RGS6: variants seen among roughly 807,000 people sequenced by gnomAD.
The protein encoded by RGS6 is regulator of G protein signaling 6.
In RGS6, 30 loss-of-function variants were observed where a neutral mutation model predicts 78.5. The ratio of observed to expected loss-of-function variants is 0.38; its 90% CI spans 0.29 to 0.52. The LOEUF (loss-of-function observed/expected upper bound fraction) is 0.52. Ranked by LOEUF, RGS6 falls within the 20% of genes least tolerant of loss-of-function variation. RGS6 has a pLI of 0.85. For missense variants in RGS6, 495 were observed against 609.7 expected, an observed-to-expected ratio of 0.81 and a Z score of 1.98; for synonymous variants, 206 against 206.0, an observed-to-expected ratio of 1.00 and a Z score of 0.00.
At chr14:72,550,692 C>T in intron 17 of RGS6, 1 of 1,426,106 alleles carries the variant, frequency 7.0e-7, no homozygotes, top group South Asian at 1.5e-5. Flanking sequence ...CTTTGTGAGT[C>T]ATCACAATCC....
intron 4 of RGS6, among the ~76,000 whole-genome samples, chr14:72,456,037 G>A (rs1292272024): frequency 1.3e-5 from 2 of 152,176 alleles, no homozygotes; most frequent in Non-Finnish European, 2.9e-5. Flanking sequence ...CCTGGCGTGA[G>A]AAGCTTCTGT....
intron 17 of RGS6, among the ~76,000 whole-genome samples, chr14:72,558,666 A>G (rs2097622659): frequency 6.6e-6 from 1 of 152,178 alleles, no homozygotes. Context: ...GAAATGATTA[A>G]TCAGAGCGGA....
chr14:72,192,627 A>G (rs760435992), intron 2 of RGS6, among the ~76,000 whole-genome samples: 8 of 152,196 alleles, frequency 5.3e-5, no homozygotes, highest in Non-Finnish European at 1.0e-4. Flanking sequence ...CTCCTCCCTT[A>G]AGACATCCTA....
At chr14:72,106,906 A>G (rs1222077613) in intron 2 of RGS6, among the ~76,000 whole-genome samples, 1 of 152,132 alleles carries the variant, frequency 6.6e-6, no homozygotes, top group African/African-American at 2.4e-5. Flanking sequence ...TGCTAAGACT[A>G]TAGGTGGGAC....
chr14:71,905,889 G>A, the RGS6 span, among the ~76,000 whole-genome samples: 2 of 152,176 alleles, frequency 1.3e-5, no homozygotes, highest in Non-Finnish European at 2.9e-5. Context: ...CCACATCTGG[G>A]TCTTTAAACA....
chr14:72,496,029 C>A (rs2096640064), intron 13 of RGS6, among the ~76,000 whole-genome samples: 1 of 152,196 alleles, frequency 6.6e-6, no homozygotes, highest in African/African-American at 2.4e-5. Flanking sequence ...CTGTCACTCA[C>A]ATTGTCTTTC....
intron 17 of RGS6, among the ~76,000 whole-genome samples, chr14:72,548,576 A>G (rs2097447254): frequency 6.6e-6 from 1 of 152,186 alleles, no homozygotes; most frequent in Non-Finnish European, 1.5e-5. Context: ...TGTTGCTCTA[A>G]GCAATATTAA....
the RGS6 span, among the ~76,000 whole-genome samples, chr14:72,579,122 C>T: frequency 1.4e-4 from 22 of 152,226 alleles, no homozygotes; most frequent in Admixed American, 1.3e-3. Flanking sequence ...CTCTCTCTCT[C>T]TTTTCTCCAT....
Position 72,562,570 on chromosome 14 carries a change from CTG to C in RGS6, c.*106_*107del. 1.3e-6 allele frequency: 2 copies of C among 1,565,076 alleles called. No homozygotes were observed. Among genetic ancestry groups the C allele is most frequent in the Non-Finnish European group, 1.7e-6 (2 of 1,161,686 alleles). ...GTTTCCTTACGAGGAGACTTGGTCA[CTG>C]TGAAGGAGAAAGAGTGAGGGCAATG... is the stretch of plus-strand genomic sequence containing the variant. On this transcript the variant is annotated 3_prime_UTR_variant, in exon 18 of 18. Coordinates refer to ENST00000553525, the MANE Select transcript of RGS6 (RefSeq NM_001204424.2).
At chr14:72,428,280 C>G (rs28563833) in intron 3 of RGS6, among the ~76,000 whole-genome samples, 5 of 152,070 alleles carry the variant, frequency 3.3e-5, no homozygotes, top group Admixed American at 1.3e-4. Flanking sequence ...ACATTTCTAA[C>G]GGCAAAGTTA....
chr14:72,347,072 C>T lies in RGS6; in HGVS notation c.85-5023C>T, dbSNP rs757275626. On this transcript the variant is annotated intron_variant, in intron 2 of 17. Coordinates refer to ENST00000553525, the MANE Select transcript of RGS6 (RefSeq NM_001204424.2). The stretch of plus-strand genomic sequence containing the variant: ...AGCTGGCCAAGTGGTTTCTCTGCAT[C>T]GTTTGGCTGTCAGATAAGGGCCACC... 1.1e-4 allele frequency among the ~76,000 whole-genome samples: 17 copies of T among 152,300 alleles called. No individual in the cohort carries two copies. The South Asian group carries it at 1.9e-3, about 17-fold the overall frequency.
At chr14:72,338,560 C>T (rs1401925967) in intron 2 of RGS6, among the ~76,000 whole-genome samples, 1 of 152,210 alleles carries the variant, frequency 6.6e-6, no homozygotes, top group African/African-American at 2.4e-5. Flanking sequence ...ATATCAGAAG[C>T]ACAGAATTAG....
chr14:72,237,208 T>C (rs2051326286), intron 2 of RGS6, among the ~76,000 whole-genome samples: 1 of 152,230 alleles, frequency 6.6e-6, no homozygotes, highest in African/African-American at 2.4e-5. Context: ...CTGAATCATA[T>C]TCCATTGTGT....
At chr14:72,092,685 G>A (rs566382746) in intron 2 of RGS6, among the ~76,000 whole-genome samples, 148 of 152,262 alleles carry the variant, frequency 9.7e-4, no homozygotes, top group Admixed American at 1.6e-3. Context: ...CCTGGCCTCA[G>A]CTCCCTTTAG....
intron 2 of RGS6, among the ~76,000 whole-genome samples, chr14:72,071,465 G>C (rs562854065): frequency 4.5e-4 from 69 of 152,254 alleles, no homozygotes; most frequent in African/African-American, 1.6e-3. Flanking sequence ...TACCTTACTA[G>C]GTAATTACAA....
chr14:72,545,847 G>A (rs2097390479), intron 17 of RGS6, among the ~76,000 whole-genome samples: 1 of 152,178 alleles, frequency 6.6e-6, no homozygotes, highest in Admixed American at 6.5e-5. Context: ...AACAGGGTGA[G>A]TGCCCTACAC....
At chr14:72,124,261 G>A (rs2096130467) in intron 2 of RGS6, among the ~76,000 whole-genome samples, 2 of 152,110 alleles carry the variant, frequency 1.3e-5, no homozygotes, top group Non-Finnish European at 2.9e-5. Context: ...CACTGTGTCT[G>A]CAGCTGCATT....
chr14:72,417,875 TAATTTCACATCC>T (rs1255745542), intron 3 of RGS6, among the ~76,000 whole-genome samples: 1 of 152,198 alleles, frequency 6.6e-6, no homozygotes, highest in East Asian at 1.9e-4. Flanking sequence ...CTGGACCACA[TAATTTCACATCC>T]TTTTATACCC....
At chr14:72,126,078 G>C (rs146557288) in intron 2 of RGS6, among the ~76,000 whole-genome samples, 1 of 152,170 alleles carries the variant, frequency 6.6e-6, no homozygotes, top group Non-Finnish European at 1.5e-5. Context: ...GTTAGCCCTC[G>C]CTTTCAGAGT....
Sources: gnomAD v4.1 joint callset for allele counts (sites outside exome capture counted in the v4.1 genomes callset) on GRCh38, gnomAD v4.1.1 for gene constraint, MANE v1.5 for transcripts, NCBI Gene and HGNC (gene_info 2026-07-23, HGNC 2026-07-21) for gene names.